TMEM201: variants seen among roughly 807,000 people sequenced by gnomAD.
TMEM201 encodes RP13-15M17.2.
A neutral mutation model predicts 63.4 loss-of-function variants in TMEM201; 26 were observed. The observed-to-expected ratio is 0.41, with a 90% CI of 0.30 to 0.57. The LOEUF (loss-of-function observed/expected upper bound fraction) is 0.57. TMEM201 is among the 20% of genes least tolerant of loss of function. The pLI is 0.29. For synonymous variants in TMEM201, 417 were observed against 421.6 expected (o/e 0.99, Z 0.14); for missense variants, 794 against 917.7 (o/e 0.87, Z 1.74).
Position 9,610,823 on chromosome 1 carries a change from C to G in TMEM201, c.1765+18C>G. The G allele has an allele frequency of 6.6e-7, 1 of 1,519,694 alleles. No individual in the cohort carries two copies. Among genetic ancestry groups the G allele is most frequent in the African/African-American group, 1.4e-5 (1 of 72,554 alleles). The allele number at this position is 1,519,694 out of a possible 1,614,324, so 94.1% of individuals were successfully genotyped here. On this transcript the variant is annotated intron_variant, in intron 9 of 10. Coordinates refer to ENST00000340381, the MANE Select transcript of TMEM201 (RefSeq NM_001130924.3). The surrounding 1 kb of genome is among the most constrained non-coding windows in gnomAD (Gnocchi z 4.9). ...CGCCCTGGGTACGGCCTTCTGACCA[C>G]CCCAAGGGGCCGTGGGAGGGCCTCT...
At chr1:9,590,885 A>C (rs992150502) in intron 1 of TMEM201, among the ~76,000 whole-genome samples, 1 of 152,176 alleles carries the variant, frequency 6.6e-6, no homozygotes, top group Non-Finnish European at 1.5e-5. Context: ...GTGAGGAACC[A>C]AGCATTGACT....
At chr1:9,601,981 C>T (rs1644151296) in intron 5 of TMEM201, 88 bp from the exon 6 acceptor site, 1 of 1,460,634 alleles carries the variant, frequency 6.8e-7, no homozygotes, top group Admixed American at 2.0e-5. Flanking sequence ...CTGAGCAGGG[C>T]CAGGTATAGA....
chr1:9,591,773 C>T (rs1208956944), intron 1 of TMEM201, among the ~76,000 whole-genome samples: 1 of 152,194 alleles, frequency 6.6e-6, no homozygotes, highest in East Asian at 1.9e-4. Flanking sequence ...CCAGGCTCCC[C>T]CCTCCCACTC....
At position 9,604,331 on chromosome 1, in the gene TMEM201, C is replaced by G. The variant is rs369230132; in HGVS notation, c.1160+2059C>G. ...GTCGCTCCTGCCCTCTGCCGGGGTCCGGAAGCGACATCTCAGGAGGTAGCT... is the reference window on the plus strand; with the variant it reads ...GTCGCTCCTGCCCTCTGCCGGGGTCGGGAAGCGACATCTCAGGAGGTAGCT... On this transcript the variant is annotated intron_variant, in intron 6 of 10. Transcript: ENST00000340381. The surrounding 1 kb of genome is among the most constrained non-coding windows in gnomAD (Gnocchi z 4.1). The G allele has an allele frequency of 1.0e-6, 1 of 985,318 alleles. No individual in the cohort carries two copies. Among genetic ancestry groups the G allele is most frequent in the Non-Finnish European group, 1.2e-6 (1 of 829,946 alleles). 61.0% of individuals were successfully genotyped at this position (985,318 alleles called of 1,614,324 possible).
At position 9,607,318 on chromosome 1, in the gene TMEM201, G is replaced by A. The variant is rs929786369; in HGVS notation, c.1161-239G>A. ...GTGGAGATAGTTTGCTGTGAGCCGA[G>A]GGGGTAGGAGGGGGCATGTGGGGAG... On this transcript the variant is annotated intron_variant, in intron 6 of 10. Transcript: ENST00000340381. The surrounding 1 kb of genome is among the most constrained non-coding windows in gnomAD (Gnocchi z 5.4). Among the ~76,000 whole-genome samples, 1 of 152,130 alleles carries A rather than the reference G, an allele frequency of 6.6e-6. No homozygotes were observed. The highest frequency in any genetic ancestry group is 1.5e-5 in the Non-Finnish European group (1 of 68,012).
At chr1:9,592,617 G>A (rs1057009319) in intron 1 of TMEM201, among the ~76,000 whole-genome samples, 2 of 110,928 alleles carry the variant, frequency 1.8e-5, no homozygotes, top group Admixed American at 1.9e-4. Context: ...GAGGCATCCC[G>A]CAGGAGCTTT....
rs562071724 is a variant in TMEM201 at position 9,610,878 on chromosome 1, G to C, written c.1765+73G>C. 7.3e-5 allele frequency: 108 copies of C among 1,489,506 alleles called. No homozygotes were observed. Among genetic ancestry groups the C allele is most frequent in the Middle Eastern group, 4.4e-4 (2 of 4,586 alleles). 92.3% of individuals were successfully genotyped at this position (1,489,506 alleles called of 1,614,324 possible). A position where few individuals can be genotyped will look rare whatever the true frequency, so the allele number is the denominator to read the frequency against. ...CCAAGAGGCCTGGCTGTGCGGCGGT[G>C]GGGGGGCTCATCCTTGCTCTGACTC... On this transcript the variant is annotated intron_variant, in intron 9 of 10. Coordinates refer to ENST00000340381, the MANE Select transcript of TMEM201 (RefSeq NM_001130924.3). This position sits in a 1 kb window ranked among gnomAD's most constrained non-coding sequence, Gnocchi z 4.9.
At chr1:9,594,586 T>C (rs1051164616) in intron 1 of TMEM201, among the ~76,000 whole-genome samples, 1 of 152,134 alleles carries the variant, frequency 6.6e-6, no homozygotes, top group Non-Finnish European at 1.5e-5. Context: ...ACATCTCCCT[T>C]CATATGCCCC....
chr1:9,602,426 C>T (rs1644163330), intron 6 of TMEM201, 154 bp downstream of exon 6: 3 of 1,458,020 alleles, frequency 2.1e-6, no homozygotes, highest in East Asian at 5.0e-5. Context: ...TGGCCCAGTC[C>T]CTCCACTGCC....
At chr1:9,589,137 C>G in intron 1 of TMEM201, 94 bp downstream of exon 1, 1 of 513,372 alleles carries the variant, frequency 1.9e-6, no homozygotes, top group Non-Finnish European at 2.5e-6. Context: ...CGGCCGGGAC[C>G]CGGGCTGCCC....
In TMEM201 at chr1:9,603,240, C is replaced by G; in HGVS notation, c.1160+968C>G. ...CCTGCTCCTCAGTAGCAGGGCCTGG[C>G]CAGGCCCCTGCTGTTCTCAGCCTCA... On this transcript the variant is annotated intron_variant, in intron 6 of 10. Coordinates refer to ENST00000340381, the MANE Select transcript of TMEM201 (RefSeq NM_001130924.3). The surrounding 1 kb of genome is among the most constrained non-coding windows in gnomAD (Gnocchi z 4.5). 1.0e-6 allele frequency: 1 copy of G among 985,240 alleles called. No individual in the cohort carries two copies. The highest frequency in any genetic ancestry group is 1.2e-6 in the Non-Finnish European group (1 of 829,782). 61.0% of individuals were successfully genotyped at this position (985,240 alleles called of 1,614,324 possible). A position where few individuals can be genotyped will look rare whatever the true frequency, so the allele number is the denominator to read the frequency against.
chr1:9,599,016 A>C (rs1644083911), intron 4 of TMEM201, among the ~76,000 whole-genome samples: 1 of 149,842 alleles, frequency 6.7e-6, no homozygotes, highest in African/African-American at 2.5e-5. Flanking sequence ...ATCTCGGCTC[A>C]CTATAACCTT....
rs1644352529 is a variant in TMEM201, at chr1:9,613,473, C to G, written c.*390C>G. 1.1e-5 allele frequency: 3 copies of G among 270,544 alleles called. No homozygotes were observed. 16.8% of individuals were successfully genotyped at this position (270,544 alleles called of 1,614,324 possible). On this transcript the variant is annotated 3_prime_UTR_variant, in exon 11 of 11. Transcript: ENST00000340381. ...GCCCGGCCTGCCTTCTGGCCCCACGCCCACAGGCGTAGTCACATCTTTGTA... is the reference window on the plus strand; with the variant it reads ...GCCCGGCCTGCCTTCTGGCCCCACGGCCACAGGCGTAGTCACATCTTTGTA...
At chr1:9,601,714 A>G (rs1182150431) in intron 5 of TMEM201, among the ~76,000 whole-genome samples, 1 of 152,182 alleles carries the variant, frequency 6.6e-6, no homozygotes, top group African/African-American at 2.4e-5. Flanking sequence ...CTGTCAAATC[A>G]GGATGACGAT....
chr1:9,607,685 A>G lies in TMEM201; in HGVS notation c.1289A>G (p.Asn430Ser). The change falls in exon 7 of 11, where the codon AAC (asparagine) becomes AGC (serine). Residue 430 changes from asparagine (N) to serine (S), a missense_variant. By Grantham distance (46) the Asn-to-Ser change is conservative (BLOSUM62 1). Transcript: ENST00000340381. This position sits in a 1 kb window ranked among gnomAD's most constrained non-coding sequence, Gnocchi z 5.4. ...PSPPSFLPLA[N>S]QQLFRSPRRT... Reference sequence around the variant, plus strand: ...CCGCCCAGCTTCCTGCCCCTCGCCAACCAGCAGCTCTTCCGGTCTCCTCGA... The same window carrying G: ...CCGCCCAGCTTCCTGCCCCTCGCCAGCCAGCAGCTCTTCCGGTCTCCTCGA... The G allele has an allele frequency of 6.4e-7, 1 of 1,551,852 alleles. No individual in the cohort carries two copies. Among genetic ancestry groups the G allele is most frequent in the South Asian group, 1.2e-5 (1 of 84,046 alleles).
rs1644197536 is a variant in TMEM201, at chr1:9,604,029, TG to T, written c.1160+1758del. On this transcript the variant is annotated intron_variant, in intron 6 of 10. Transcript: ENST00000340381. This position sits in a 1 kb window ranked among gnomAD's most constrained non-coding sequence, Gnocchi z 4.1. Reference sequence around the variant, plus strand: ...CCTGAGGGGCAGGGAACCGCCTGCCTGTGCACTCACGCCACCCCCCAGCCCA... The same window carrying T: ...CCTGAGGGGCAGGGAACCGCCTGCCTTGCACTCACGCCACCCCCCAGCCCA... The T allele has an allele frequency of 1.0e-6, 1 of 985,456 alleles. No homozygotes were observed. The highest frequency in any genetic ancestry group is 1.2e-6 in the Non-Finnish European group (1 of 829,964). 61.0% of individuals were successfully genotyped at this position (985,456 alleles called of 1,614,324 possible).
Position 9,603,284 on chromosome 1 carries a change from G to T in TMEM201, c.1160+1012G>T. 1 of 984,902 alleles carries T rather than the reference G, an allele frequency of 1.0e-6. No individual in the cohort carries two copies. Among genetic ancestry groups the T allele is most frequent in the African/African-American group, 1.7e-5 (1 of 57,364 alleles). 61.0% of individuals were successfully genotyped at this position (984,902 alleles called of 1,614,324 possible). On this transcript the variant is annotated intron_variant, in intron 6 of 10. Transcript: ENST00000340381. This position sits in a 1 kb window ranked among gnomAD's most constrained non-coding sequence, Gnocchi z 4.5. ...AGCCTCAGTTTGCCATCTATGAAAT[G>T]AGGTGGACCCCTCTCCATAGCCCTT...
chr1:9,609,230 C>T (rs1023203351), intron 7 of TMEM201, among the ~76,000 whole-genome samples: 1 of 152,226 alleles, frequency 6.6e-6, no homozygotes, highest in African/African-American at 2.4e-5. Flanking sequence ...GGAGGGTTAT[C>T]TGCATGCTGC....
rs961591338 is a variant in TMEM201, at chr1:9,613,283, ACT to A, written c.*205_*206del. The A allele has an allele frequency of 5.9e-5, 35 of 589,068 alleles. No homozygotes were observed. Among genetic ancestry groups the A allele is most frequent in the Non-Finnish European group, 8.5e-5 (28 of 330,700 alleles). The allele number at this position is 589,068 out of a possible 1,614,324, so 36.5% of individuals were successfully genotyped here. The stretch of plus-strand genomic sequence containing the variant: ...GGGCTGAGCATGTGTCTGAGGTCAC[ACT>A]CTCTGCCCACTCACCTCCTTGGCTG... On this transcript the variant is annotated 3_prime_UTR_variant, in exon 11 of 11. Transcript: ENST00000340381.
Sources: gnomAD v4.1 joint callset for allele counts (sites outside exome capture counted in the v4.1 genomes callset) on GRCh38, gnomAD v4.1.1 for gene constraint, Gnocchi (gnomAD v3.1) non-coding constraint, MANE v1.5 for transcripts, NCBI Gene and HGNC (gene_info 2026-07-23, HGNC 2026-07-21) for gene names.